Variants in DLGAP2 observed in about 807,000 individuals in gnomAD.
The protein encoded by DLGAP2 is disks large-associated protein 2.
In DLGAP2, 26 loss-of-function variants were observed where a neutral mutation model predicts 100.3. The observed-to-expected ratio is 0.26, with a 90% CI of 0.19 to 0.36. The LOEUF is 0.36. DLGAP2 is among the 10% of genes least tolerant of loss of function. DLGAP2 has a pLI of 1.00. For synonymous variants in DLGAP2, 886 were observed against 630.1 expected (o/e 1.41, Z -6.08); for missense variants, 1,858 against 1,453.2 (o/e 1.28, Z -4.53).
chr8:1,619,296 G>T (rs555039468), intron 6 of DLGAP2, among the ~76,000 whole-genome samples: 1 of 152,280 alleles, frequency 6.6e-6, no homozygotes, highest in Non-Finnish European at 1.5e-5. Flanking sequence ...CACTAGAATG[G>T]CCTAAGTTAA....
Position 1,417,440 on chromosome 8 carries a change from C to T in DLGAP2, c.107-83926C>T, listed in dbSNP as rs1053303068. Among the ~76,000 whole-genome samples the T allele has an allele frequency of 4.6e-5, 7 of 152,200 alleles. No individual in the cohort carries two copies. The East Asian group carries it at 1.3e-3, about 29-fold the overall frequency. ...TGAAGCAAACCTTGTTTTTCTCTGA[C>T]TTCAGCTCTTTGTGTTCTCTTACTG... On this transcript the variant is annotated intron_variant, in intron 3 of 14. Coordinates refer to ENST00000637795, the MANE Select transcript of DLGAP2 (RefSeq NM_001346810.2).
At chr8:1,607,688 G>T (rs1015370202) in intron 6 of DLGAP2, among the ~76,000 whole-genome samples, 4 of 152,084 alleles carry the variant, frequency 2.6e-5, no homozygotes, top group African/African-American at 9.7e-5. Flanking sequence ...TGCGCGCACC[G>T]GGCGCGAGCC....
chr8:1,435,162 A>G (rs927625513), intron 3 of DLGAP2, among the ~76,000 whole-genome samples: 7 of 152,178 alleles, frequency 4.6e-5, no homozygotes, highest in African/African-American at 1.4e-4. Flanking sequence ...GTTTGGGGAT[A>G]TTTGGGTTTA....
At chr8:1,510,696 C>T (rs1800131547) in intron 4 of DLGAP2, among the ~76,000 whole-genome samples, 1 of 152,180 alleles carries the variant, frequency 6.6e-6, no homozygotes. Flanking sequence ...TCTCCAAGGT[C>T]ATTAGTGAAT....
At chr8:930,893 A>C (rs761078653) in intron 2 of DLGAP2, among the ~76,000 whole-genome samples, 1 of 152,124 alleles carries the variant, frequency 6.6e-6, no homozygotes, top group Admixed American at 6.5e-5. Flanking sequence ...CTGGAACTGC[A>C]TGAATTGGGA....
At chr8:1,159,188 C>A (rs1341769350) in intron 2 of DLGAP2, among the ~76,000 whole-genome samples, 1 of 152,194 alleles carries the variant, frequency 6.6e-6, no homozygotes, top group African/African-American at 2.4e-5. Flanking sequence ...GAGGTCTCTG[C>A]ATTTAGTCAA....
chr8:1,107,142 G>A (rs960605945), intron 2 of DLGAP2, among the ~76,000 whole-genome samples: 2 of 152,188 alleles, frequency 1.3e-5, no homozygotes, highest in African/African-American at 4.8e-5. Context: ...AAAAATCAGT[G>A]GGGGTACTTA....
rs544145403 is a variant in DLGAP2 at position 1,564,734 on chromosome 8, A to G, written c.1231-949A>G. ...AACATTCATGGTTGCTCAAGTCTGC[A>G]CCAGGCAGACACATAACATGCATAG... On this transcript the variant is annotated intron_variant, in intron 5 of 14. Coordinates refer to ENST00000637795, the MANE Select transcript of DLGAP2 (RefSeq NM_001346810.2). 4.3e-4 allele frequency among the ~76,000 whole-genome samples: 65 copies of G among 152,358 alleles called. 1 individual carries two copies. The South Asian group carries it at 0.013, about 31-fold the overall frequency.
At chr8:1,412,779 A>C (rs1005530507) in intron 3 of DLGAP2, among the ~76,000 whole-genome samples, 10 of 151,918 alleles carry the variant, frequency 6.6e-5, no homozygotes, top group Non-Finnish European at 1.3e-4. Context: ...GGCCATTCTG[A>C]CTCTAACATA....
intron 2 of DLGAP2, among the ~76,000 whole-genome samples, chr8:1,096,553 C>G (rs1804374859): frequency 6.6e-6 from 1 of 151,738 alleles, no homozygotes; most frequent in Non-Finnish European, 1.5e-5. Context: ...CCTCCCTGTG[C>G]TCAGGAGAGT....
intron 3 of DLGAP2, among the ~76,000 whole-genome samples, chr8:1,465,805 C>T (rs183568934): frequency 3.2e-4 from 49 of 152,278 alleles, no homozygotes; most frequent in Admixed American, 1.1e-3. Context: ...CCCTCTGTGC[C>T]GCGTTTCTTC....
intron 4 of DLGAP2, 52 bp downstream of exon 4, chr8:1,501,483 A>G (rs1799721559): frequency 6.6e-7 from 1 of 1,510,588 alleles, no homozygotes; most frequent in East Asian, 2.5e-5. Flanking sequence ...AGAACCGGGC[A>G]TGCTCCGGGC....
chr8:970,038 T>A (rs1799975070), intron 2 of DLGAP2, among the ~76,000 whole-genome samples: 1 of 152,184 alleles, frequency 6.6e-6, no homozygotes, highest in Non-Finnish European at 1.5e-5. Flanking sequence ...GTTCACACCA[T>A]TGACAAATGA....
chr8:1,076,903 GC>G (rs371675299), intron 2 of DLGAP2, among the ~76,000 whole-genome samples: 24 of 139,716 alleles, frequency 1.7e-4, no homozygotes, highest in African/African-American at 5.2e-4. Context: ...GTCTGTCCCG[GC>G]CCCCCCCAAG....
chr8:1,678,657 C>T (rs1331205044), intron 12 of DLGAP2, 28 bp downstream of exon 12: 2 of 1,463,480 alleles, frequency 1.4e-6, no homozygotes, highest in Non-Finnish European at 1.8e-6. Flanking sequence ...CCTAGGGCCT[C>T]TTAAATATCA....
chr8:1,599,244 C>A (rs192616059), intron 6 of DLGAP2, among the ~76,000 whole-genome samples: 360 of 152,158 alleles, frequency 2.4e-3, no homozygotes, highest in African/African-American at 8.3e-3. Context: ...GTTATGATTT[C>A]CATCCTTTTG....
intron 9 of DLGAP2, among the ~76,000 whole-genome samples, chr8:1,669,292 T>C (rs1196741623): frequency 1.3e-5 from 2 of 152,190 alleles, no homozygotes; most frequent in Non-Finnish European, 2.9e-5. Context: ...ACCCATGATA[T>C]AGACGTGGCA....
At chr8:1,452,469 G>A (rs912942519) in intron 3 of DLGAP2, among the ~76,000 whole-genome samples, 38 of 152,226 alleles carry the variant, frequency 2.5e-4, no homozygotes, top group African/African-American at 9.2e-4. Flanking sequence ...CAGTGGACAT[G>A]GAATATGGTC....
At chr8:779,542 C>T (rs935035978) in intron 1 of DLGAP2, among the ~76,000 whole-genome samples, 9 of 151,144 alleles carry the variant, frequency 6.0e-5, no homozygotes, top group Non-Finnish European at 8.8e-5. Context: ...TAGTTCACTG[C>T]AGCGTCTGCC....
Sources: gnomAD v4.1 joint callset for allele counts (sites outside exome capture counted in the v4.1 genomes callset) on GRCh38, gnomAD v4.1.1 for gene constraint, MANE v1.5 for transcripts, NCBI Gene and HGNC (gene_info 2026-07-23, HGNC 2026-07-21) for gene names.